The following DSG3 variants were observed in gnomAD, a reference collection of about 807,000 sequenced individuals.
The protein encoded by DSG3 is desmoglein-3.
Under a neutral mutation model 85.9 loss-of-function variants are expected in DSG3, and 63 were observed. That is an observed-to-expected ratio of 0.73 (90% CI 0.60 to 0.90). DSG3 has a LOEUF of 0.90. DSG3 is among the 40% of genes least tolerant of loss of function. The probability of loss-of-function intolerance (pLI) is 0.00; values close to 1 mark genes in which losing one functional copy is unlikely to be tolerated. For synonymous variants in DSG3, 447 were observed against 441.9 expected (o/e 1.01, Z -0.14); for missense variants, 1,220 against 1,219.9 (o/e 1.00, Z 0.00).
Position 31,457,106 on chromosome 18 carries a change from A to T in DSG3, c.198A>T (p.Lys66Asn), listed in dbSNP as rs757567536. ...GCAGAGAAGGAGAAGATAACTCAAA[A>T]AGAAACCCAATTGCCAAGGTAAGTT... is the stretch of plus-strand genomic sequence containing the variant. ...KPCREGEDNS[K>N]RNPIAKITSD... is the part of the protein sequence containing the mutation. The change falls in exon 3 of 16, where the codon AAA becomes AAT. Residue 66 changes from lysine to asparagine, a missense_variant. Physicochemically the swap from Lys to Asn is moderately conservative, Grantham distance 94. Transcript: ENST00000257189. 2 of 1,612,294 alleles carry T rather than the reference A, an allele frequency of 1.2e-6. No homozygotes were observed. The highest frequency in any genetic ancestry group is 1.7e-6 in the Non-Finnish European group (2 of 1,179,396).
At chr18:31,465,714 G>T (rs1275952954) in intron 10 of DSG3, among the ~76,000 whole-genome samples, 3 of 152,106 alleles carry the variant, frequency 2.0e-5, no homozygotes, top group Non-Finnish European at 4.4e-5. Flanking sequence ...GAAATTTTTT[G>T]ACTGACAGAA....
In DSG3 at chr18:31,476,383, A is replaced by AC; in HGVS notation, c.*124dup. On this transcript the variant is annotated 3_prime_UTR_variant, in exon 16 of 16. Transcript: ENST00000257189. ...TGGCACTTATTAGCTTCTCTCATAA[A>AC]CTGATCACGATTATAAATTAAATGT... is the stretch of plus-strand genomic sequence containing the variant. 8.7e-7 allele frequency: 1 copy of AC among 1,143,484 alleles called. No individual in the cohort carries two copies. Among genetic ancestry groups the AC allele is most frequent in the South Asian group, 1.7e-5 (1 of 58,616 alleles). 70.8% of individuals were successfully genotyped at this position (1,143,484 alleles called of 1,614,324 possible). A position where few individuals can be genotyped will look rare whatever the true frequency, so the allele number is the denominator to read the frequency against.
chr18:31,447,806 A>G lies in DSG3; in HGVS notation c.-72A>G, dbSNP rs1002307970. 19 of 1,343,528 alleles carry G rather than the reference A, an allele frequency of 1.4e-5. No homozygotes were observed. The Admixed American group carries it at 3.2e-4, about 23-fold the overall frequency. 83.2% of individuals were successfully genotyped at this position (1,343,528 alleles called of 1,614,324 possible). On this transcript the variant is annotated 5_prime_UTR_variant, in exon 1 of 16. Transcript: ENST00000257189. ...ACGCTGCAGAGGGCTTTTCTTAGACATCAACTGCAGACGGCTGGCAGGATA... is the reference window on the plus strand; with the variant it reads ...ACGCTGCAGAGGGCTTTTCTTAGACGTCAACTGCAGACGGCTGGCAGGATA...
chr18:31,473,820 C>T (rs764564545), intron 14 of DSG3, among the ~76,000 whole-genome samples: 5 of 152,156 alleles, frequency 3.3e-5, no homozygotes, highest in Non-Finnish European at 5.9e-5. Flanking sequence ...TTAGAAGCTT[C>T]CCATAACTGT....
chr18:31,452,150 T>G (rs1299619248), intron 1 of DSG3, among the ~76,000 whole-genome samples: 1 of 152,146 alleles, frequency 6.6e-6, no homozygotes, highest in Admixed American at 6.5e-5. Flanking sequence ...CTGTTTCTTT[T>G]CTCCTTCTCA....
chr18:31,459,006 TACTCC>T, intron 4 of DSG3, 22 bp from the exon 5 acceptor site: 2 of 1,611,060 alleles, frequency 1.2e-6, no homozygotes, highest in Non-Finnish European at 1.7e-6. Flanking sequence ...TGCAGAGTAA[TACTCC>T]ACATTTTCCC....
At chr18:31,454,704 T>C (rs1330186630) in intron 1 of DSG3, among the ~76,000 whole-genome samples, 1 of 151,678 alleles carries the variant, frequency 6.6e-6, no homozygotes, top group South Asian at 2.1e-4. Flanking sequence ...ATGACAACTT[T>C]GGTTAGAATT....
At chr18:31,461,187 C>A in intron 7 of DSG3, 40 bp from the exon 8 acceptor site, 1 of 1,526,576 alleles carries the variant, frequency 6.6e-7, no homozygotes, top group Non-Finnish European at 8.9e-7. Flanking sequence ...CCATGTAAAA[C>A]CTGTCATTAG....
At chr18:31,448,910 T>C (rs2072694829) in intron 1 of DSG3, among the ~76,000 whole-genome samples, 1 of 152,146 alleles carries the variant, frequency 6.6e-6, no homozygotes, top group Non-Finnish European at 1.5e-5. Context: ...TTTTTGTTTT[T>C]GTTTTTGTTT....
chr18:31,449,281 T>A (rs1396687249), intron 1 of DSG3, among the ~76,000 whole-genome samples: 1 of 152,154 alleles, frequency 6.6e-6, no homozygotes, highest in Non-Finnish European at 1.5e-5. Context: ...TAAAGAGAAA[T>A]GTGACAGTTG....
intron 6 of DSG3, 107 bp from the exon 7 acceptor site, chr18:31,460,726 C>G: frequency 9.6e-7 from 1 of 1,044,028 alleles, no homozygotes; most frequent in East Asian, 2.9e-5. Context: ...CAAATGTCTT[C>G]TACATAAAAT....
chr18:31,466,229 C>T lies in DSG3; in HGVS notation c.1412-301C>T, dbSNP rs2035041. On this transcript the variant is annotated intron_variant, in intron 10 of 15. Coordinates refer to ENST00000257189, the MANE Select transcript of DSG3 (RefSeq NM_001944.3). ...GAAATCAACACATTTAAGAAAGTTA[C>T]TATTTTTGTGCTGATTTTATTTGAA... Among the ~76,000 whole-genome samples the T allele has an allele frequency of 0.4, 61,086 of 151,930 alleles. 12,634 individuals carry two copies. The highest frequency in any genetic ancestry group is 0.46 in the African/African-American group (19,132 of 41,422).
chr18:31,453,691 A>G (rs2072724737), intron 1 of DSG3, among the ~76,000 whole-genome samples: 1 of 152,172 alleles, frequency 6.6e-6, no homozygotes, highest in Non-Finnish European at 1.5e-5. Flanking sequence ...TATAATTAAA[A>G]TTTACAAAAT....
intron 6 of DSG3, 30 bp downstream of exon 6, chr18:31,460,041 A>G (rs368122924): frequency 4.7e-4 from 741 of 1,584,712 alleles, no homozygotes; most frequent in South Asian, 8.1e-4. Context: ...GGAACATTCA[A>G]GATTAAAGGG....
intron 2 of DSG3, among the ~76,000 whole-genome samples, chr18:31,456,721 C>A (rs527374379): frequency 1.3e-5 from 2 of 152,122 alleles, no homozygotes; most frequent in African/African-American, 4.8e-5. Context: ...GCTGGTCAAA[C>A]CCTATGGGCC....
In DSG3 at chr18:31,447,882, T is replaced by C. The variant is rs202064914; in HGVS notation, c.5T>C (p.Met2Thr). Residue 2 changes from methionine to threonine, a missense_variant, in exon 1 of 16, where the codon ATG becomes ACG. By Grantham distance (81) the Met-to-Thr change is moderately conservative. Transcript: ENST00000257189. ...TCACCAGGGAAATCAGAGACAATGA[T>C]GGGGCTCTTCCCCAGAACTACAGGG... MMGLFPRTTGAL... is the reference protein window; with the variant it reads MTGLFPRTTGAL... 8.1e-5 allele frequency: 129 copies of C among 1,591,606 alleles called. No homozygotes were observed. Among genetic ancestry groups the C allele is most frequent in the Admixed American group, 2.3e-4 (13 of 55,978 alleles).
At chr18:31,450,870 T>TAATTCTTGATAA (rs1272371203) in intron 1 of DSG3, among the ~76,000 whole-genome samples, 3 of 152,218 alleles carry the variant, frequency 2.0e-5, no homozygotes, top group Non-Finnish European at 4.4e-5. Context: ...AGTAATGGGG[T>TAATTCTTGATAA]AATTCTTGAT....
intron 13 of DSG3, 103 bp from the exon 14 acceptor site, chr18:31,472,622 T>C: frequency 1.5e-6 from 2 of 1,348,880 alleles, no homozygotes; most frequent in Non-Finnish European, 2.1e-6. Context: ...TTTGCACTTC[T>C]TGTAATGTTA....
rs2072887905 is a variant in DSG3, at chr18:31,476,285, T to A, written c.*25T>A. On this transcript the variant is annotated 3_prime_UTR_variant, in exon 16 of 16. Coordinates refer to ENST00000257189, the MANE Select transcript of DSG3 (RefSeq NM_001944.3). Reference sequence around the variant, plus strand: ...ACCAGAATGAGCTGGAATACCACACTGACCAAATCTGGATCTTTGGACTAA... The same window carrying A: ...ACCAGAATGAGCTGGAATACCACACAGACCAAATCTGGATCTTTGGACTAA... 2 of 1,574,186 alleles carry A rather than the reference T, an allele frequency of 1.3e-6. No individual in the cohort carries two copies. The highest frequency in any genetic ancestry group is 1.2e-5 in the South Asian group (1 of 83,646).
Sources: gnomAD v4.1 joint callset for allele counts (sites outside exome capture counted in the v4.1 genomes callset) on GRCh38, gnomAD v4.1.1 for gene constraint, MANE v1.5 for transcripts, NCBI Gene and HGNC (gene_info 2026-07-23, HGNC 2026-07-21) for gene names.